UST: variants seen among roughly 807,000 people sequenced by gnomAD.
UST encodes chondroitin sulfate 2-O-sulfotransferase.
A neutral mutation model predicts 45.6 loss-of-function variants in UST; 21 were observed. The observed-to-expected ratio is 0.46, with a 90% CI of 0.33 to 0.66. The LOEUF is 0.66. Among genes scored for constraint, UST ranks in the 30% least tolerant of loss-of-function variants. The pLI is 0.02. For synonymous variants in UST, 215 were observed against 200.6 expected, an observed-to-expected ratio of 1.07 and a Z score of -0.61; for missense variants, 463 against 512.4, an observed-to-expected ratio of 0.90 and a Z score of 0.93.
chr6:148,923,013 A>G (rs763108601), intron 2 of UST, among the ~76,000 whole-genome samples: 3 of 151,702 alleles, frequency 2.0e-5, no homozygotes, highest in Non-Finnish European at 4.4e-5. Flanking sequence ...GGCTGGTCTC[A>G]AACTCTTGGC....
chr6:149,007,931 C>T (rs1195736287), intron 5 of UST, among the ~76,000 whole-genome samples: 7 of 152,134 alleles, frequency 4.6e-5, no homozygotes, highest in Non-Finnish European at 1.0e-4. Flanking sequence ...TCCCATGTTG[C>T]TCATACTCAC....
chr6:148,988,172 G>T (rs1781270333), intron 5 of UST, among the ~76,000 whole-genome samples: 1 of 152,036 alleles, frequency 6.6e-6, no homozygotes, highest in African/African-American at 2.4e-5. Context: ...GGCAGTGAAG[G>T]GTGCTGGGGT....
intron 7 of UST, among the ~76,000 whole-genome samples, chr6:149,038,684 G>C (rs912882406): frequency 6.6e-6 from 1 of 152,160 alleles, no homozygotes; most frequent in Non-Finnish European, 1.5e-5. Context: ...AGACCTGGAG[G>C]GTCCGTTCGC....
intron 7 of UST, among the ~76,000 whole-genome samples, chr6:149,062,940 G>A (rs1231615808): frequency 6.6e-6 from 1 of 152,230 alleles, no homozygotes; most frequent in Non-Finnish European, 1.5e-5. Flanking sequence ...ATGAGAAGTT[G>A]CACTGTTCGG....
At chr6:148,774,056 A>G (rs1426069305) in intron 1 of UST, among the ~76,000 whole-genome samples, 1 of 152,198 alleles carries the variant, frequency 6.6e-6, no homozygotes, top group Non-Finnish European at 1.5e-5. Context: ...GCATGGAGAA[A>G]GTGAATGACT....
intron 5 of UST, among the ~76,000 whole-genome samples, chr6:148,973,028 G>A (rs936661556): frequency 6.6e-6 from 1 of 152,110 alleles, no homozygotes; most frequent in African/African-American, 2.4e-5. Context: ...CCTTATGGAA[G>A]CTTACCTTCT....
intron 2 of UST, among the ~76,000 whole-genome samples, chr6:148,938,794 TATA>T (rs1380172214): frequency 6.6e-6 from 1 of 151,092 alleles, no homozygotes; most frequent in African/African-American, 2.4e-5. Context: ...ATAAATAGTA[TATA>T]ATATTATATC....
intron 1 of UST, among the ~76,000 whole-genome samples, chr6:148,802,620 T>G (rs1015784427): frequency 6.6e-6 from 1 of 152,180 alleles, no homozygotes; most frequent in African/African-American, 2.4e-5. Context: ...TTATATACAC[T>G]CTCTTGGCTC....
intron 1 of UST, among the ~76,000 whole-genome samples, chr6:148,835,857 C>T (rs1777776556): frequency 6.6e-6 from 1 of 152,130 alleles, no homozygotes; most frequent in Admixed American, 6.5e-5. Context: ...AAATTTATGG[C>T]TGTTTTTTAA....
At chr6:148,801,676 C>T (rs1162945403) in intron 1 of UST, among the ~76,000 whole-genome samples, 1 of 152,064 alleles carries the variant, frequency 6.6e-6, no homozygotes, top group African/African-American at 2.4e-5. Flanking sequence ...GGTTTCTCAC[C>T]CTCATCCTCC....
At chr6:149,016,001 C>T (rs555238177) in intron 5 of UST, among the ~76,000 whole-genome samples, 12 of 152,324 alleles carry the variant, frequency 7.9e-5, no homozygotes, top group African/African-American at 2.9e-4. Context: ...AGCAGCATCC[C>T]CATTTATTGT....
chr6:148,878,085 CG>C (rs1778732356), intron 1 of UST, among the ~76,000 whole-genome samples: 2 of 58,480 alleles, frequency 3.4e-5, no homozygotes, highest in African/African-American at 7.5e-5. Flanking sequence ...TGTATGAGTG[CG>C]GGGGATTGTG....
intron 2 of UST, among the ~76,000 whole-genome samples, chr6:148,887,826 A>G (rs139726704): frequency 6.6e-6 from 1 of 152,312 alleles, no homozygotes; most frequent in East Asian, 1.9e-4. Flanking sequence ...CTGTCACTTC[A>G]AGAATGTTCT....
At chr6:148,964,992 C>A (rs1376648130) in intron 5 of UST, among the ~76,000 whole-genome samples, 1 of 152,012 alleles carries the variant, frequency 6.6e-6, no homozygotes, top group East Asian at 1.9e-4. Flanking sequence ...AGATGAGGAC[C>A]CTGAGATTCT....
intron 1 of UST, among the ~76,000 whole-genome samples, chr6:148,807,039 T>C (rs571031875): frequency 6.6e-6 from 1 of 152,340 alleles, no homozygotes; most frequent in Non-Finnish European, 1.5e-5. Context: ...TTTCCTTTTA[T>C]GTCTCTCTTA....
At chr6:148,764,595 A>T (rs1485213175) in intron 1 of UST, among the ~76,000 whole-genome samples, 2 of 152,104 alleles carry the variant, frequency 1.3e-5, no homozygotes, top group Non-Finnish European at 2.9e-5. Flanking sequence ...AAAAGAGAGA[A>T]ATTTTAAAGC....
intron 1 of UST, among the ~76,000 whole-genome samples, chr6:148,757,539 T>C (rs1776121479): frequency 6.6e-6 from 1 of 152,224 alleles, no homozygotes; most frequent in Non-Finnish European, 1.5e-5. Context: ...GACCATACTG[T>C]AAAATTAGGT....
intron 1 of UST, among the ~76,000 whole-genome samples, chr6:148,787,954 G>A (rs1054908689): frequency 1.2e-4 from 18 of 152,120 alleles, no homozygotes; most frequent in Non-Finnish European, 2.4e-4. Context: ...TTTTAAGTCA[G>A]TTTTAAAAAA....
At chr6:148,978,544 C>T (rs1781068003) in intron 5 of UST, among the ~76,000 whole-genome samples, 2 of 152,006 alleles carry the variant, frequency 1.3e-5, no homozygotes, top group African/African-American at 4.8e-5. Flanking sequence ...AAGCTGGAAA[C>T]CATCATCCTC....
Sources: allele counts gnomAD v4.1 joint callset (sites outside exome capture counted in the v4.1 genomes callset), GRCh38; gene constraint gnomAD v4.1.1; transcripts MANE v1.5; gene names NCBI Gene and HGNC (gene_info 2026-07-23, HGNC 2026-07-21).